Variants in BCAS3 observed in about 807,000 individuals in gnomAD.
BCAS3 encodes BCAS3 microtubule associated cell migration factor.
A neutral mutation model predicts 116.1 loss-of-function variants in BCAS3; 53 were observed. The ratio of observed to expected loss-of-function variants is 0.46; its 90% CI spans 0.37 to 0.57. BCAS3 has a LOEUF of 0.57. BCAS3 is among the 20% of genes least tolerant of loss of function. The probability of loss-of-function intolerance (pLI) is 0.00; values close to 1 mark genes in which losing one functional copy is unlikely to be tolerated. For missense variants in BCAS3, 917 were observed against 1,165.4 expected (o/e 0.79, Z 3.10); for synonymous variants, 391 against 408.2 (o/e 0.96, Z 0.51).
chr17:61,085,000 G>A lies in BCAS3; in HGVS notation c.2425+436G>A, dbSNP rs1428858505. On this transcript the variant is annotated intron_variant, in intron 22 of 23. Transcript: ENST00000407086. This position sits in a 1 kb window ranked among gnomAD's most constrained non-coding sequence, Gnocchi z 5.5. ...AGCTTGAATGATTTTATTATCAAAA[G>A]CATCAAGTTTAAAAATTCATTAACT... 2.0e-5 allele frequency among the ~76,000 whole-genome samples: 3 copies of A among 152,172 alleles called. No individual in the cohort carries two copies. The highest frequency in any genetic ancestry group is 1.9e-4 in the East Asian group (1 of 5,204).
At chr17:60,781,712 CAAAT>C (rs1322743148) in intron 6 of BCAS3, among the ~76,000 whole-genome samples, 2 of 152,056 alleles carry the variant, frequency 1.3e-5, no homozygotes, top group Non-Finnish European at 1.5e-5. Flanking sequence ...CCCCTTAAAA[CAAAT>C]TTTAAAAGAC....
At chr17:60,826,215 G>T (rs889483660) in intron 7 of BCAS3, among the ~76,000 whole-genome samples, 1 of 151,526 alleles carries the variant, frequency 6.6e-6, no homozygotes, top group African/African-American at 2.4e-5. Context: ...ACAGAGTGTC[G>T]CTCTGTTGCC....
intron 6 of BCAS3, among the ~76,000 whole-genome samples, chr17:60,755,748 T>A (rs1347012263): frequency 6.6e-6 from 1 of 152,224 alleles, no homozygotes; most frequent in Non-Finnish European, 1.5e-5. Flanking sequence ...TATGATTACT[T>A]ATTTAAGCAA....
chr17:60,749,844 C>T (rs894976074), intron 6 of BCAS3, among the ~76,000 whole-genome samples: 12 of 152,100 alleles, frequency 7.9e-5, no homozygotes, highest in Admixed American at 1.3e-4. Context: ...AAGATTTATT[C>T]CAGGAATACA....
rs1293203947 is a variant in BCAS3, at chr17:61,219,493, AT to A, written c.2425+134931del. 1.3e-5 allele frequency among the ~76,000 whole-genome samples: 2 copies of A among 152,218 alleles called. No homozygotes were observed. Among genetic ancestry groups the A allele is most frequent in the Non-Finnish European group, 2.9e-5 (2 of 68,036 alleles). ...GAGTTTATGAAATTTTGATGTAGAA[AT>A]TAGATTGTTGCTTATCTTGTACCTT... On this transcript the variant is annotated intron_variant, in intron 22 of 23. Transcript: ENST00000407086. This position sits in a 1 kb window ranked among gnomAD's most constrained non-coding sequence, Gnocchi z 5.2.
chr17:60,710,061 C>T (rs1428422068), intron 5 of BCAS3, among the ~76,000 whole-genome samples: 2 of 151,716 alleles, frequency 1.3e-5, no homozygotes, highest in African/African-American at 2.4e-5. Context: ...AAGCAGTCCT[C>T]CCACCTTGGC....
intron 4 of BCAS3, among the ~76,000 whole-genome samples, chr17:60,694,014 T>C (rs1357078574): frequency 1.3e-5 from 2 of 149,806 alleles, no homozygotes; most frequent in African/African-American, 5.0e-5. Flanking sequence ...GCCTCTCGAG[T>C]AGCTGGGACT....
Position 61,361,726 on chromosome 17 carries a change from T to G in BCAS3, c.2426-6601T>G. 6.6e-6 allele frequency: 1 copy of G among 152,152 alleles called. No individual in the cohort carries two copies. The highest frequency in any genetic ancestry group is 1.5e-5 in the Non-Finnish European group (1 of 68,034). The allele number at this position is 152,152 out of a possible 1,614,324, so 9.4% of individuals were successfully genotyped here. A position where few individuals can be genotyped will look rare whatever the true frequency, so the allele number is the denominator to read the frequency against. On this transcript the variant is annotated intron_variant, in intron 22 of 23. Transcript: ENST00000407086. This position sits in a 1 kb window ranked among gnomAD's most constrained non-coding sequence, Gnocchi z 6.5. ...AAATGGAGGTCAAGAAGTCCCACTG[T>G]CTGTTGTCTGAAGGTGAAGAACCAA...
rs748929645 is a variant in BCAS3 at position 61,128,161 on chromosome 17, A to G, written c.2425+43597A>G. ...TTGATACTGTAAACCTGACAACTCA[A>G]TCTGGTTTTCTTTTAGGAAGCCTTC... On this transcript the variant is annotated intron_variant, in intron 22 of 23. Transcript: ENST00000407086. The surrounding 1 kb of genome is among the most constrained non-coding windows in gnomAD (Gnocchi z 4.1). 1.9e-5 allele frequency: 19 copies of G among 984,586 alleles called. No individual in the cohort carries two copies. The highest frequency in any genetic ancestry group is 2.2e-5 in the Non-Finnish European group (18 of 829,282). The allele number at this position is 984,586 out of a possible 1,614,324, so 61.0% of individuals were successfully genotyped here.
intron 15 of BCAS3, among the ~76,000 whole-genome samples, chr17:61,010,050 G>T (rs1048519175): frequency 6.7e-6 from 1 of 150,134 alleles, no homozygotes. Flanking sequence ...TCTTTTGTCC[G>T]GAGTTTTCAG....
intron 22 of BCAS3, among the ~76,000 whole-genome samples, chr17:61,182,823 T>C (rs1833922193): frequency 1.3e-5 from 2 of 152,258 alleles, no homozygotes; most frequent in African/African-American, 2.4e-5. Flanking sequence ...TTGTCGAATG[T>C]AGAGTGTTGT....
rs1440569176 is a variant in BCAS3, at chr17:61,356,040, G to T, written c.2426-12287G>T. On this transcript the variant is annotated intron_variant, in intron 22 of 23. Transcript: ENST00000407086. This position sits in a 1 kb window ranked among gnomAD's most constrained non-coding sequence, Gnocchi z 5.4. ...GACTGAGTCTTACTCTGTGGCCCAG[G>T]CTGGAGTACAATGGCGCAATCTCGG... 6.6e-6 allele frequency among the ~76,000 whole-genome samples: 1 copy of T among 152,170 alleles called. No individual in the cohort carries two copies. The highest frequency in any genetic ancestry group is 1.5e-5 in the Non-Finnish European group (1 of 68,042).
chr17:60,866,514 A>G (rs2054607579), intron 7 of BCAS3, among the ~76,000 whole-genome samples: 1 of 152,172 alleles, frequency 6.6e-6, no homozygotes, highest in South Asian at 2.1e-4. Flanking sequence ...TTCTTGCAAT[A>G]TATTTATTTA....
intron 13 of BCAS3, among the ~76,000 whole-genome samples, chr17:60,927,902 A>G (rs964993905): frequency 3.9e-5 from 6 of 152,034 alleles, no homozygotes; most frequent in African/African-American, 1.5e-4. Flanking sequence ...TTATATTTTA[A>G]TTTTTTAAAA....
At chr17:61,271,124 CTTTTTT>C (rs1198682844) in intron 22 of BCAS3, among the ~76,000 whole-genome samples, 3 of 107,126 alleles carry the variant, frequency 2.8e-5, no homozygotes, top group Admixed American at 9.6e-5. Context: ...AACTTTTATT[CTTTTTT>C]TTTTTTTTTT....
At chr17:61,299,238 T>C (rs1444800925) in intron 22 of BCAS3, among the ~76,000 whole-genome samples, 1 of 151,766 alleles carries the variant, frequency 6.6e-6, no homozygotes, top group Non-Finnish European at 1.5e-5. Flanking sequence ...GGTCCGGAGA[T>C]TGAGACCATC....
At chr17:60,895,401 A>G (rs1033362261) in intron 10 of BCAS3, among the ~76,000 whole-genome samples, 1 of 151,764 alleles carries the variant, frequency 6.6e-6, no homozygotes, top group African/African-American at 2.4e-5. Flanking sequence ...ATCAGTTGTA[A>G]TGTTCTCTTT....
rs1435884243 is a variant in BCAS3, at chr17:61,226,031, T to C, written c.2425+141467T>C. Among the ~76,000 whole-genome samples the C allele has an allele frequency of 6.6e-6, 1 of 152,200 alleles. No homozygotes were observed. Among genetic ancestry groups the C allele is most frequent in the African/African-American group, 2.4e-5 (1 of 41,456 alleles). On this transcript the variant is annotated intron_variant, in intron 22 of 23. Transcript: ENST00000407086. The surrounding 1 kb of genome is among the most constrained non-coding windows in gnomAD (Gnocchi z 6.0). ...TTCCCCTGTCATCTGCTAATTCCAATTTGATACTGTTCTGTGTTCAAAAAT... is the reference window on the plus strand; with the variant it reads ...TTCCCCTGTCATCTGCTAATTCCAACTTGATACTGTTCTGTGTTCAAAAAT...
At chr17:61,174,947 A>G (rs980887315) in intron 22 of BCAS3, among the ~76,000 whole-genome samples, 1 of 152,196 alleles carries the variant, frequency 6.6e-6, no homozygotes, top group Non-Finnish European at 1.5e-5. Flanking sequence ...ACAGTTCGAT[A>G]TGTACTTTTC....
Sources: gnomAD v4.1 joint callset for allele counts (sites outside exome capture counted in the v4.1 genomes callset) on GRCh38, gnomAD v4.1.1 for gene constraint, Gnocchi (gnomAD v3.1) non-coding constraint, MANE v1.5 for transcripts, NCBI Gene and HGNC (gene_info 2026-07-23, HGNC 2026-07-21) for gene names.